The following ZMIZ1 variants were observed in gnomAD, a reference collection of about 807,000 sequenced individuals.
The protein encoded by ZMIZ1 is zinc finger MIZ domain-containing protein 1.
Under a neutral mutation model 113.9 loss-of-function variants are expected in ZMIZ1, and 17 were observed. The observed-to-expected ratio is 0.15, with a 90% CI of 0.10 to 0.22. The LOEUF (loss-of-function observed/expected upper bound fraction) is 0.22, where lower values mean the gene tolerates loss of function less well. Ranked by LOEUF, ZMIZ1 falls within the 10% of genes least tolerant of loss-of-function variation. The pLI is 1.00. For synonymous variants in ZMIZ1, 607 were observed against 603.1 expected (o/e 1.01, Z -0.09); for missense variants, 1,059 against 1,477.8 (o/e 0.72, Z 4.65).
rs4980057 is a variant in ZMIZ1, at chr10:79,280,131, G to C, written c.425+2806G>C. ...GCCTTCCAAGTAGCTGGGACCACAG[G>C]CATTCACCACCACCCATGGCTAATT... On this transcript the variant is annotated intron_variant, in intron 8 of 24. Transcript: ENST00000334512. Among the ~76,000 whole-genome samples the C allele has an allele frequency of 1.6e-3, 247 of 151,966 alleles. 3 individuals are homozygous for C. The highest frequency in any genetic ancestry group is 2.0e-3 in the Admixed American group (30 of 15,290).
chr10:79,223,920 G>A (rs1399593242), intron 7 of ZMIZ1, among the ~76,000 whole-genome samples: 2 of 152,206 alleles, frequency 1.3e-5, no homozygotes, highest in Non-Finnish European at 2.9e-5. Flanking sequence ...AGTGTTCCCA[G>A]GCCAAGGAAT....
intron 8 of ZMIZ1, among the ~76,000 whole-genome samples, chr10:79,286,688 C>A (rs899274969): frequency 6.6e-6 from 1 of 152,236 alleles, no homozygotes; most frequent in Non-Finnish European, 1.5e-5. Flanking sequence ...TGCTTCTCAC[C>A]AAGTTTGGGG....
intron 4 of ZMIZ1, among the ~76,000 whole-genome samples, chr10:79,186,789 C>A (rs547715770): frequency 1.4e-4 from 22 of 152,288 alleles, no homozygotes; most frequent in African/African-American, 5.1e-4. Context: ...ATTTCAATAC[C>A]TTCTCCCTTA....
chr10:79,292,344 C>A lies in ZMIZ1; in HGVS notation c.945C>A (p.Asn315Lys). 2 of 1,606,898 alleles carry A rather than the reference C, an allele frequency of 1.2e-6. No individual in the cohort carries two copies. ...ALQETQNKDI[N>K]QYGPMGPTQA... ...AGGAGACACAGAACAAGGATATAAACCAGTATGGACCGGTAAGGGTTCCCA... is the reference window on the plus strand; with the variant it reads ...AGGAGACACAGAACAAGGATATAAAACAGTATGGACCGGTAAGGGTTCCCA... Residue 315 changes from asparagine (N) to lysine (K), a missense_variant, in exon 11 of 25, where the codon AAC becomes AAA. This residue lies in a region of ZMIZ1 where 83 missense variants were observed against 103.7 expected (regional missense o/e 0.80). Transcript: ENST00000334512.
At chr10:79,129,693 G>A (rs968258063) in intron 2 of ZMIZ1, among the ~76,000 whole-genome samples, 2 of 152,194 alleles carry the variant, frequency 1.3e-5, no homozygotes, top group African/African-American at 4.8e-5. Flanking sequence ...TTGCACTGAG[G>A]GCTTTAGTGG....
chr10:79,197,930 C>A (rs1228643514), intron 4 of ZMIZ1, among the ~76,000 whole-genome samples: 1 of 152,164 alleles, frequency 6.6e-6, no homozygotes, highest in African/African-American at 2.4e-5. Context: ...GCACGCCCAA[C>A]CCATCTGGCC....
intron 4 of ZMIZ1, among the ~76,000 whole-genome samples, chr10:79,168,923 C>T (rs1471414185): frequency 6.6e-6 from 1 of 152,204 alleles, no homozygotes; most frequent in Admixed American, 6.5e-5. Context: ...GGTTGCTGAG[C>T]CTTTGGAAGC....
chr10:79,193,458 T>C (rs1329206471), intron 4 of ZMIZ1, among the ~76,000 whole-genome samples: 1 of 152,202 alleles, frequency 6.6e-6, no homozygotes, highest in Non-Finnish European at 1.5e-5. Context: ...TGATTATGGC[T>C]GGGTGATGGG....
intron 1 of ZMIZ1, among the ~76,000 whole-genome samples, chr10:79,110,815 C>G (rs1289740173): frequency 1.3e-5 from 2 of 152,226 alleles, no homozygotes; most frequent in African/African-American, 4.8e-5. Flanking sequence ...TCCATTTTCA[C>G]CATAGTTCCT....
At chr10:79,217,826 G>A (rs980713850) in intron 7 of ZMIZ1, among the ~76,000 whole-genome samples, 6 of 152,224 alleles carry the variant, frequency 3.9e-5, no homozygotes, top group African/African-American at 1.2e-4. Context: ...TATTGCTATC[G>A]TATTGAACTG....
At chr10:79,268,679 C>A (rs1309631248) in intron 7 of ZMIZ1, among the ~76,000 whole-genome samples, 2 of 152,198 alleles carry the variant, frequency 1.3e-5, no homozygotes, top group Non-Finnish European at 1.5e-5. Context: ...CATGGCATTC[C>A]CCTGGGTAGT....
chr10:79,299,398 G>C lies in ZMIZ1; in HGVS notation c.1808+207G>C, dbSNP rs117685590. ...GTAGATGAGCAGTCAAGGTGTCGTG[G>C]CCCAAGGGCAGGGAGCAGCTGTCAC... is the stretch of plus-strand genomic sequence containing the variant. On this transcript the variant is annotated intron_variant, in intron 16 of 24. Coordinates refer to ENST00000334512, the MANE Select transcript of ZMIZ1 (RefSeq NM_020338.4). 9.9e-4 allele frequency among the ~76,000 whole-genome samples: 151 copies of C among 152,360 alleles called. 2 individuals are homozygous for C. The East Asian group carries it at 0.026, about 26-fold the overall frequency.
intron 7 of ZMIZ1, among the ~76,000 whole-genome samples, chr10:79,240,113 C>G (rs1306569107): frequency 6.6e-6 from 1 of 152,194 alleles, no homozygotes; most frequent in East Asian, 1.9e-4. Context: ...TATTGATCCT[C>G]GCGTCAGGCC....
At chr10:79,306,900 C>T (rs1462526570) in intron 22 of ZMIZ1, among the ~76,000 whole-genome samples, 1 of 152,216 alleles carries the variant, frequency 6.6e-6, no homozygotes, top group African/African-American at 2.4e-5. Context: ...GGCCAAGCCT[C>T]CCAGTCTGCT....
At chr10:79,236,491 A>T (rs191385723) in intron 7 of ZMIZ1, among the ~76,000 whole-genome samples, 1 of 152,338 alleles carries the variant, frequency 6.6e-6, no homozygotes, top group East Asian at 1.9e-4. Flanking sequence ...TGAGGCACGG[A>T]CATTCGAGCT....
At chr10:79,287,566 C>T (rs902716884) in intron 8 of ZMIZ1, among the ~76,000 whole-genome samples, 1 of 152,244 alleles carries the variant, frequency 6.6e-6, no homozygotes, top group Non-Finnish European at 1.5e-5. Context: ...CCAAGATCCA[C>T]GATAAATACA....
At chr10:79,070,457 C>G (rs1046741920) in intron 1 of ZMIZ1, among the ~76,000 whole-genome samples, 1 of 141,390 alleles carries the variant, frequency 7.1e-6, no homozygotes, top group Non-Finnish European at 1.6e-5. Context: ...GCCTCAGCCC[C>G]GGGTTTAAAA....
chr10:79,296,423 G>C lies in ZMIZ1; in HGVS notation c.1231-48G>C, dbSNP rs139683634. 4 of 1,603,900 alleles carry C rather than the reference G, an allele frequency of 2.5e-6. No homozygotes were observed. Among genetic ancestry groups the C allele is most frequent in the Non-Finnish European group, 3.4e-6 (4 of 1,172,604 alleles). On this transcript the variant is annotated intron_variant, in intron 12 of 24. Coordinates refer to ENST00000334512, the MANE Select transcript of ZMIZ1 (RefSeq NM_020338.4). The surrounding 1 kb of genome is among the most constrained non-coding windows in gnomAD (Gnocchi z 4.1). The stretch of plus-strand genomic sequence containing the variant: ...TGTTCAGGTGACCTGGCTATGTGAC[G>C]TTGGCAACATTGAACGTGTTTCCCC...
intron 3 of ZMIZ1, among the ~76,000 whole-genome samples, chr10:79,142,844 G>C (rs1288591343): frequency 6.6e-6 from 1 of 152,230 alleles, no homozygotes; most frequent in Non-Finnish European, 1.5e-5. Context: ...CAGGGCTCCA[G>C]GTGGCAGGTC....
Sources: allele counts gnomAD v4.1 joint callset (sites outside exome capture counted in the v4.1 genomes callset), GRCh38; gene constraint gnomAD v4.1.1; regional missense constraint gnomAD v4.1.1; non-coding constraint Gnocchi (gnomAD v3.1); transcripts MANE v1.5; gene names NCBI Gene and HGNC (gene_info 2026-07-23, HGNC 2026-07-21).